SERPINB5: variants seen among roughly 807,000 people sequenced by gnomAD.
SERPINB5 encodes serpin family B member 5.
A neutral mutation model predicts 32.2 loss-of-function variants in SERPINB5; 27 were observed. The observed-to-expected ratio is 0.84, with a 90% CI of 0.62 to 1.16. SERPINB5 has a LOEUF of 1.16. Among genes scored for constraint, SERPINB5 ranks in the 50% most tolerant of loss-of-function variants. SERPINB5 has a pLI of 0.00. For synonymous variants in SERPINB5, 154 were observed against 157.4 expected, an observed-to-expected ratio of 0.98 and a Z score of 0.16; for missense variants, 388 against 436.3, an observed-to-expected ratio of 0.89 and a Z score of 0.99.
chr18:63,492,904 A>G, intron 4 of SERPINB5, 49 bp from the exon 5 acceptor site: 1 of 1,579,674 alleles, frequency 6.3e-7, no homozygotes, highest in South Asian at 1.2e-5. Context: ...TTTCAGATGT[A>G]GTTTGGAAGA....
chr18:63,502,357 G>A (rs1599395327), intron 6 of SERPINB5, among the ~76,000 whole-genome samples: 1 of 151,724 alleles, frequency 6.6e-6, no homozygotes, highest in South Asian at 2.1e-4. Flanking sequence ...GGATGGTCTC[G>A]ATCTCCTGAC....
intron 6 of SERPINB5, 58 bp from the exon 7 acceptor site, chr18:63,503,272 C>G (rs924468234): frequency 1.3e-6 from 2 of 1,517,890 alleles, no homozygotes; most frequent in Non-Finnish European, 1.8e-6. Flanking sequence ...TCAATTGAGC[C>G]AGGTCTTTTA....
In SERPINB5 at chr18:63,479,027, T is replaced by C. The variant is rs148861259; in HGVS notation, c.-8+1982T>C. On this transcript the variant is annotated intron_variant, in intron 1 of 6. Transcript: ENST00000382771. ...TGCCCGCCTTGGCCTCCCAAAGTGC[T>C]GGGATTACAGGTGTGAGCCACTGTA... 5.2e-3 allele frequency among the ~76,000 whole-genome samples: 788 copies of C among 152,288 alleles called. 6 individuals carry two copies. Among genetic ancestry groups the C allele is most frequent in the African/African-American group, 0.017 (716 of 41,554 alleles).
chr18:63,487,205 G>A (rs899043730), intron 3 of SERPINB5, 122 bp downstream of exon 3: 3 of 945,250 alleles, frequency 3.2e-6, no homozygotes, highest in Non-Finnish European at 4.6e-6. Context: ...TGTGATTTGA[G>A]GCTTTAAATA....
chr18:63,496,422 C>T (rs1909448914), intron 5 of SERPINB5, among the ~76,000 whole-genome samples: 1 of 152,048 alleles, frequency 6.6e-6, no homozygotes, highest in Non-Finnish European at 1.5e-5. Context: ...ATTTATCAGC[C>T]AAATATTCAG....
At chr18:63,486,845 A>C in intron 2 of SERPINB5, 101 bp from the exon 3 acceptor site, 1 of 1,180,552 alleles carries the variant, frequency 8.5e-7, no homozygotes, top group Non-Finnish European at 1.2e-6. Flanking sequence ...AGGCAGGAGG[A>C]GTCTGTATGC....
chr18:63,499,390 C>A lies in SERPINB5; in HGVS notation c.735+103C>A, dbSNP rs536479899. Reference sequence around the variant, plus strand: ...CGTGAGAGCTGGGCCGGTAGCCCTCCCTTATTGCCACTGGCTCAGTCACCT... The same window carrying A: ...CGTGAGAGCTGGGCCGGTAGCCCTCACTTATTGCCACTGGCTCAGTCACCT... On this transcript the variant is annotated intron_variant, in intron 6 of 6. Coordinates refer to ENST00000382771, the MANE Select transcript of SERPINB5 (RefSeq NM_002639.5). 76 of 1,010,760 alleles carry A rather than the reference C, an allele frequency of 7.5e-5. No homozygotes were observed. In the South Asian group the frequency reaches 2.1e-3, roughly 28 times the overall value. The allele number at this position is 1,010,760 out of a possible 1,614,324, so 62.6% of individuals were successfully genotyped here. A position where few individuals can be genotyped will look rare whatever the true frequency, so the allele number is the denominator to read the frequency against.
In SERPINB5 at chr18:63,493,101, T is replaced by C. The variant is rs1909374991; in HGVS notation, c.567+6T>C. On this transcript the variant is annotated splice_donor_region_variant and intron_variant, in intron 5 of 6. Transcript: ENST00000382771. ...GTCCTTTCAGAGTCAACAAGGTATGTGGGGCAGCATGTAGCAGTAAAAGGA... is the reference window on the plus strand; with the variant it reads ...GTCCTTTCAGAGTCAACAAGGTATGCGGGGCAGCATGTAGCAGTAAAAGGA... 1.2e-6 allele frequency: 2 copies of C among 1,614,042 alleles called. No homozygotes were observed. The highest frequency in any genetic ancestry group is 1.3e-5 in the African/African-American group (1 of 74,898).
chr18:63,479,119 G>A (rs570759739), intron 1 of SERPINB5, among the ~76,000 whole-genome samples: 3 of 152,234 alleles, frequency 2.0e-5, no homozygotes, highest in African/African-American at 7.2e-5. Context: ...AAATATGCAC[G>A]CCCGTGATGT....
At chr18:63,480,366 C>G (rs1330696649) in intron 1 of SERPINB5, among the ~76,000 whole-genome samples, 1 of 152,112 alleles carries the variant, frequency 6.6e-6, no homozygotes, top group East Asian at 1.9e-4. Flanking sequence ...CAACTATAAA[C>G]GAAGTTCTCC....
At chr18:63,503,050 A>G (rs1443475386) in intron 6 of SERPINB5, among the ~76,000 whole-genome samples, 1 of 152,048 alleles carries the variant, frequency 6.6e-6, no homozygotes, top group Non-Finnish European at 1.5e-5. Context: ...AAACAAACAA[A>G]CAAAAAACTA....
At position 63,483,528 on chromosome 18, in the gene SERPINB5, C is replaced by G. The variant is rs565148625; in HGVS notation, c.-7-894C>G. On this transcript the variant is annotated intron_variant, in intron 1 of 6. Transcript: ENST00000382771. ...AAGCAACAGAAGCTTTATTCACCCA[C>G]AGGCTTGGAGGCCAGTACTTTGAAA... 3.3e-5 allele frequency among the ~76,000 whole-genome samples: 5 copies of G among 152,364 alleles called. No homozygotes were observed. The East Asian group carries it at 9.6e-4, about 29-fold the overall frequency.
At position 63,498,237 on chromosome 18, in the gene SERPINB5, G is replaced by A. The variant is rs909072253; in HGVS notation, c.568-883G>A. 2.0e-5 allele frequency among the ~76,000 whole-genome samples: 3 copies of A among 152,120 alleles called. No individual in the cohort carries two copies. The highest frequency in any genetic ancestry group is 4.4e-5 in the Non-Finnish European group (3 of 68,028). On this transcript the variant is annotated intron_variant, in intron 5 of 6. Transcript: ENST00000382771. The surrounding 1 kb of genome is among the most constrained non-coding windows in gnomAD (Gnocchi z 4.2). ...CCCAAGAAGCTGAGATTACAGGCGT[G>A]TGCCACCATGCCTGGCTGACTTTTG...
At chr18:63,486,902 C>A in intron 2 of SERPINB5, 44 bp from the exon 3 acceptor site, 1 of 1,607,168 alleles carries the variant, frequency 6.2e-7, no homozygotes, top group Non-Finnish European at 8.5e-7. Flanking sequence ...TACAGCACTA[C>A]TCAGAGGCAA....
intron 5 of SERPINB5, among the ~76,000 whole-genome samples, chr18:63,495,990 T>C (rs1909438334): frequency 6.6e-6 from 1 of 152,240 alleles, no homozygotes; most frequent in East Asian, 1.9e-4. Context: ...TTAGACTAAA[T>C]TGGTGAAGTT....
At chr18:63,495,633 C>G (rs975961459) in intron 5 of SERPINB5, among the ~76,000 whole-genome samples, 3 of 152,170 alleles carry the variant, frequency 2.0e-5, no homozygotes, top group African/African-American at 7.2e-5. Context: ...AAGGGTCGTA[C>G]TTTTTTCATT....
intron 5 of SERPINB5, among the ~76,000 whole-genome samples, chr18:63,497,577 A>C (rs1909478728): frequency 6.6e-6 from 1 of 152,080 alleles, no homozygotes; most frequent in Admixed American, 6.5e-5. Context: ...CTTAGAGATA[A>C]TTTTAAAGAA....
At position 63,489,435 on chromosome 18, in the gene SERPINB5, T is replaced by A. The variant is rs781381549; in HGVS notation, c.395T>A (p.Ile132Asn). 2 of 1,611,664 alleles carry A rather than the reference T, an allele frequency of 1.2e-6. No individual in the cohort carries two copies. Among genetic ancestry groups the A allele is most frequent in the Non-Finnish European group, 8.5e-7 (1 of 1,178,508 alleles). The change falls in exon 4 of 7, where the codon ATC becomes AAC. Residue 132 changes from isoleucine (I) to asparagine (N), a missense_variant. By Grantham distance (149) the Ile-to-Asn change is moderately radical. Coordinates refer to ENST00000382771, the MANE Select transcript of SERPINB5 (RefSeq NM_002639.5). ...AAATTGGAAGAAACGAAAGGTCAGA[T>A]CAACAACTCAATTAAGGATCTCACA... is the stretch of plus-strand genomic sequence containing the variant. ...KDKLEETKGQ[I>N]NNSIKDLTDG...
At chr18:63,492,692 A>G (rs1373729316) in intron 4 of SERPINB5, among the ~76,000 whole-genome samples, 3 of 152,186 alleles carry the variant, frequency 2.0e-5, no homozygotes, top group East Asian at 1.9e-4. Context: ...GGCATTCAGA[A>G]TGGTAGCTGT....
Sources: gnomAD v4.1 joint callset for allele counts (sites outside exome capture counted in the v4.1 genomes callset) on GRCh38, gnomAD v4.1.1 for gene constraint, Gnocchi (gnomAD v3.1) non-coding constraint, MANE v1.5 for transcripts, NCBI Gene and HGNC (gene_info 2026-07-23, HGNC 2026-07-21) for gene names.